OSBPL11: variants seen among roughly 807,000 people sequenced by gnomAD.
The protein encoded by OSBPL11 is oxysterol binding protein like 11.
Under a neutral mutation model 84.4 loss-of-function variants are expected in OSBPL11, and 33 were observed. The observed-to-expected ratio is 0.39, with a 90% confidence interval of 0.30 to 0.52. The LOEUF (loss-of-function observed/expected upper bound fraction) is 0.52. OSBPL11 is among the 20% of genes least tolerant of loss of function. The pLI, the probability that OSBPL11 is intolerant of heterozygous loss-of-function variation, is 0.72. For missense variants in OSBPL11, 736 were observed against 901.1 expected (o/e 0.82, Z 2.35); for synonymous variants, 276 against 310.2 (o/e 0.89, Z 1.16).
intron 10 of OSBPL11, among the ~76,000 whole-genome samples, chr3:125,544,777 T>C (rs1350459007): frequency 2.0e-5 from 3 of 152,112 alleles, no homozygotes; most frequent in African/African-American, 7.2e-5. Context: ...AAAATTTTAT[T>C]TTCAAAGAAA....
chr3:125,554,796 C>T (rs940808413), intron 8 of OSBPL11, among the ~76,000 whole-genome samples: 12 of 151,834 alleles, frequency 7.9e-5, no homozygotes, highest in African/African-American at 2.7e-4. Context: ...TCTCCCATAA[C>T]ACAGAAGACA....
At chr3:125,537,144 G>A (rs60400336) in intron 11 of OSBPL11, among the ~76,000 whole-genome samples, 25,307 of 144,730 alleles carry the variant, frequency 0.17, 2,869 homozygotes, top group African/African-American at 0.33. Flanking sequence ...TGGGTGACAG[G>A]GTGAGACCCT....
At chr3:125,572,107 G>C (rs1936251961) in intron 5 of OSBPL11, among the ~76,000 whole-genome samples, 1 of 152,280 alleles carries the variant, frequency 6.6e-6, no homozygotes, top group South Asian at 2.1e-4. Flanking sequence ...ACCTGGATGT[G>C]AGACATGGAG....
At chr3:125,553,604 G>C (rs969775486) in intron 8 of OSBPL11, among the ~76,000 whole-genome samples, 2 of 152,178 alleles carry the variant, frequency 1.3e-5, no homozygotes, top group Non-Finnish European at 2.9e-5. Flanking sequence ...ATTTAGCCTA[G>C]TACTTACATT....
At chr3:125,577,518 G>A (rs1013228378) in intron 4 of OSBPL11, among the ~76,000 whole-genome samples, 7 of 151,904 alleles carry the variant, frequency 4.6e-5, no homozygotes, top group South Asian at 2.1e-4. Flanking sequence ...AACAAGTGTC[G>A]GCAAGGATGT....
rs1935520954 is a variant in OSBPL11 at position 125,529,176 on chromosome 3, G to A, written c.*1339C>T. The A allele has an allele frequency of 6.6e-6, 1 of 152,544 alleles. No individual in the cohort carries two copies. The highest frequency in any genetic ancestry group is 6.6e-5 in the Admixed American group (1 of 15,264). 9.4% of individuals were successfully genotyped at this position (152,544 alleles called of 1,614,324 possible). On this transcript the variant is annotated 3_prime_UTR_variant, in exon 13 of 13. Coordinates refer to ENST00000296220, the MANE Select transcript of OSBPL11 (RefSeq NM_022776.5). ...GGTATGTTACACACACTGATTGGAAGACCATATCAGAAAAAACAGAGTAAG... is the reference window on the plus strand; with the variant it reads ...GGTATGTTACACACACTGATTGGAAAACCATATCAGAAAAAACAGAGTAAG...
chr3:125,538,614 G>A lies in OSBPL11; in HGVS notation c.1861C>T (p.His621Tyr), dbSNP rs1018627638. Reference protein sequence around the residue: ...KLHRVTAEVKHNITNTVVCRV... With the variant: ...KLHRVTAEVKYNITNTVVCRV... Reference sequence around the variant, plus strand: ...CATACCACAGTGTTGGTGATGTTGTGCTTTACTTCAGCTGTAACCCTAGAA... The same window carrying A: ...CATACCACAGTGTTGGTGATGTTGTACTTTACTTCAGCTGTAACCCTAGAA... Residue 621 changes from histidine (H) to tyrosine (Y), a missense_variant, in exon 11 of 13, where the codon CAC (histidine) becomes TAC (tyrosine). Physicochemically the swap from His to Tyr is moderately conservative, Grantham distance 83. Coordinates refer to ENST00000296220, the MANE Select transcript of OSBPL11 (RefSeq NM_022776.5). The A allele has an allele frequency of 6.8e-6, 11 of 1,609,662 alleles. No homozygotes were observed. The highest frequency in any genetic ancestry group is 9.3e-6 in the Non-Finnish European group (11 of 1,178,320).
intron 5 of OSBPL11, among the ~76,000 whole-genome samples, chr3:125,573,938 A>C (rs892154633): frequency 4.0e-5 from 6 of 151,822 alleles, no homozygotes; most frequent in African/African-American, 1.5e-4. Flanking sequence ...ATCTAACACT[A>C]AACTTACCCA....
chr3:125,531,743 C>T (rs769676623), intron 12 of OSBPL11, 118 bp downstream of exon 12: 284 of 1,004,038 alleles, frequency 2.8e-4, no homozygotes, highest in Non-Finnish European at 3.8e-4. Flanking sequence ...TATTTATATA[C>T]AGCCATACTA....
chr3:125,547,389 C>T lies in OSBPL11; in HGVS notation c.1841+17G>A. The T allele has an allele frequency of 6.3e-7, 1 of 1,598,438 alleles. No individual in the cohort carries two copies. Among genetic ancestry groups the T allele is most frequent in the Non-Finnish European group, 8.6e-7 (1 of 1,169,182 alleles). ...AGTGGAAGAATAAGAACTAGATAAT[C>T]ATTAAAATGTTCTTACCGATGCAGT... On this transcript the variant is annotated intron_variant, in intron 10 of 12. Coordinates refer to ENST00000296220, the MANE Select transcript of OSBPL11 (RefSeq NM_022776.5).
intron 9 of OSBPL11, among the ~76,000 whole-genome samples, chr3:125,550,595 C>T (rs1019369447): frequency 6.6e-6 from 1 of 152,086 alleles, no homozygotes; most frequent in African/African-American, 2.4e-5. Context: ...TTAATGATGC[C>T]ATGCTTACAC....
Position 125,530,507 on chromosome 3 carries a change from A to C in OSBPL11, c.*8T>G. 6.2e-7 allele frequency: 1 copy of C among 1,612,454 alleles called. No homozygotes were observed. The highest frequency in any genetic ancestry group is 8.5e-7 in the Non-Finnish European group (1 of 1,178,518). ...AACCTCATTTGGTCGAGTTTTAGAT[A>C]GTATGTGTCACTCTGCTGGTTGTGT... On this transcript the variant is annotated 3_prime_UTR_variant, in exon 13 of 13. Transcript: ENST00000296220.
intron 11 of OSBPL11, among the ~76,000 whole-genome samples, chr3:125,534,949 T>TAAAAAAAAAAA (rs1935617194): frequency 1.7e-4 from 1 of 5,734 alleles, no homozygotes. Context: ...TGTAAGAAAT[T>TAAAAAAAAAAA]AGAAAAAAAA....
At chr3:125,593,692 A>G (rs1418300273) in intron 1 of OSBPL11, among the ~76,000 whole-genome samples, 1 of 152,212 alleles carries the variant, frequency 6.6e-6, no homozygotes, top group Non-Finnish European at 1.5e-5. Flanking sequence ...TATTTCATAC[A>G]TATGAATATT....
chr3:125,564,813 C>G (rs868291306), intron 6 of OSBPL11, among the ~76,000 whole-genome samples: 8 of 152,032 alleles, frequency 5.3e-5, no homozygotes, highest in African/African-American at 1.9e-4. Flanking sequence ...CACCACCATG[C>G]CTGGCTAATT....
At position 125,531,844 on chromosome 3, in the gene OSBPL11, A is replaced by T. The variant is rs770959332; in HGVS notation, c.2178+17T>A. On this transcript the variant is annotated intron_variant, in intron 12 of 12. Coordinates refer to ENST00000296220, the MANE Select transcript of OSBPL11 (RefSeq NM_022776.5). ...CCAAGTAGATACATTTTTATCTTGA[A>T]CACATGTACAGCATACCTCTTTAAT... 3.2e-6 allele frequency: 5 copies of T among 1,587,232 alleles called. No individual in the cohort carries two copies. Among genetic ancestry groups the T allele is most frequent in the Non-Finnish European group, 4.3e-6 (5 of 1,170,682 alleles).
At chr3:125,536,818 C>T (rs1004526667) in intron 11 of OSBPL11, among the ~76,000 whole-genome samples, 1 of 152,212 alleles carries the variant, frequency 6.6e-6, no homozygotes, top group East Asian at 1.9e-4. Flanking sequence ...CGGTAGCCAG[C>T]ACAAATACTT....
intron 11 of OSBPL11, among the ~76,000 whole-genome samples, chr3:125,534,563 A>G (rs940545094): frequency 6.6e-6 from 1 of 151,600 alleles, no homozygotes; most frequent in African/African-American, 2.4e-5. Context: ...TCATCAACAC[A>G]TTTGTAAATA....
intron 11 of OSBPL11, among the ~76,000 whole-genome samples, chr3:125,536,971 C>A (rs192242526): frequency 6.6e-6 from 1 of 151,766 alleles, no homozygotes; most frequent in Admixed American, 6.6e-5. Flanking sequence ...CCAGCCTGGC[C>A]AACATGGTGA....
Sources: allele counts gnomAD v4.1 joint callset (sites outside exome capture counted in the v4.1 genomes callset), GRCh38; gene constraint gnomAD v4.1.1; transcripts MANE v1.5; gene names NCBI Gene and HGNC (gene_info 2026-07-23, HGNC 2026-07-21).